BABAM2: variants seen among roughly 807,000 people sequenced by gnomAD.
The protein encoded by BABAM2 is BRISC and BRCA1 A complex member 2.
BABAM2 carries 31 observed loss-of-function variants against 54.7 expected under a neutral mutation model. The ratio of observed to expected loss-of-function variants is 0.57; its 90% CI spans 0.43 to 0.77. The LOEUF (loss-of-function observed/expected upper bound fraction) is 0.77, where lower values mean the gene tolerates loss of function less well. BABAM2 is among the 30% of genes least tolerant of loss of function. BABAM2 has a pLI of 0.00. For synonymous variants in BABAM2, 167 were observed against 162.9 expected, an observed-to-expected ratio of 1.03 and a Z score of -0.19; for missense variants, 364 against 455.8, an observed-to-expected ratio of 0.80 and a Z score of 1.83.
chr2:28,046,787 CTT>C (rs956125686), intron 6 of BABAM2, among the ~76,000 whole-genome samples: 1 of 144,466 alleles, frequency 6.9e-6, no homozygotes, highest in Admixed American at 6.9e-5. Flanking sequence ...TACATTCCAT[CTT>C]TTTTTTTTTT....
chr2:27,924,052 C>T (rs897357423), intron 2 of BABAM2, among the ~76,000 whole-genome samples: 3 of 152,188 alleles, frequency 2.0e-5, no homozygotes, highest in Non-Finnish European at 4.4e-5. Context: ...TTTGGTTACT[C>T]TCCTTCTGAA....
intron 2 of BABAM2, among the ~76,000 whole-genome samples, chr2:27,917,383 A>T (rs1667057358): frequency 6.6e-6 from 1 of 152,042 alleles, no homozygotes; most frequent in Non-Finnish European, 1.5e-5. Flanking sequence ...AATACCTTAG[A>T]CTTGGTAATT....
chr2:28,029,488 A>G (rs1411171655), intron 5 of BABAM2, among the ~76,000 whole-genome samples: 1 of 152,208 alleles, frequency 6.6e-6, no homozygotes, highest in Admixed American at 6.5e-5. Context: ...TTCACTTAGC[A>G]TAATGTCTGA....
intron 7 of BABAM2, among the ~76,000 whole-genome samples, chr2:28,137,614 T>C (rs1670666975): frequency 6.6e-6 from 1 of 152,104 alleles, no homozygotes; most frequent in South Asian, 2.1e-4. Flanking sequence ...GGGGAGAAAA[T>C]CAATCAGCCC....
At chr2:28,132,111 C>T (rs1383548843) in intron 7 of BABAM2, among the ~76,000 whole-genome samples, 1 of 151,452 alleles carries the variant, frequency 6.6e-6, no homozygotes, top group Non-Finnish European at 1.5e-5. Flanking sequence ...TCTCTCATGT[C>T]CTTCCTCCCT....
intron 5 of BABAM2, among the ~76,000 whole-genome samples, chr2:28,026,916 T>TAATATATATAAATATATATATA (rs1675840752): frequency 2.9e-5 from 1 of 34,684 alleles, no homozygotes; most frequent in African/African-American, 9.1e-5. Flanking sequence ...AAATATATAT[T>TAATATATATAAATATATATATA]AATATATATA....
chr2:28,214,889 A>G (rs893391128), intron 7 of BABAM2, among the ~76,000 whole-genome samples: 2 of 151,996 alleles, frequency 1.3e-5, no homozygotes, highest in African/African-American at 4.8e-5. Context: ...GCCCTCCCCA[A>G]GCACTCCTTG....
chr2:28,198,289 G>A (rs1478549282), intron 7 of BABAM2, among the ~76,000 whole-genome samples: 3 of 151,736 alleles, frequency 2.0e-5, no homozygotes, highest in Non-Finnish European at 2.9e-5. Flanking sequence ...TCAGCCTCCC[G>A]AGTAGCTGAG....
intron 6 of BABAM2, among the ~76,000 whole-genome samples, chr2:28,067,122 G>T (rs756766661): frequency 6.6e-6 from 1 of 152,088 alleles, no homozygotes; most frequent in Non-Finnish European, 1.5e-5. Flanking sequence ...AGTAGAGATG[G>T]CGTTTCACCA....
chr2:28,165,686 C>T (rs1158823085), intron 7 of BABAM2, among the ~76,000 whole-genome samples: 1 of 151,848 alleles, frequency 6.6e-6, no homozygotes, highest in African/African-American at 2.4e-5. Context: ...AGGCATGTGC[C>T]ACCACACCCA....
intron 2 of BABAM2, among the ~76,000 whole-genome samples, chr2:27,922,313 A>G (rs779858430): frequency 4.6e-5 from 7 of 152,234 alleles, no homozygotes; most frequent in Non-Finnish European, 8.8e-5. Context: ...GAATCTTATG[A>G]TCTGGTTGGG....
At chr2:28,182,314 G>T (rs754896600) in intron 7 of BABAM2, among the ~76,000 whole-genome samples, 6 of 152,066 alleles carry the variant, frequency 3.9e-5, no homozygotes, top group Non-Finnish European at 7.4e-5. Flanking sequence ...GATATTACAG[G>T]GTCTGTATAG....
At chr2:27,898,407 T>C (rs976299398) in intron 2 of BABAM2, among the ~76,000 whole-genome samples, 5 of 152,188 alleles carry the variant, frequency 3.3e-5, no homozygotes, top group East Asian at 1.9e-4. Flanking sequence ...CAGATGTCCA[T>C]TGATAGTCTT....
At chr2:27,929,989 G>T in intron 3 of BABAM2, 81 bp downstream of exon 3, 1 of 1,321,894 alleles carries the variant, frequency 7.6e-7, no homozygotes, top group South Asian at 1.2e-5. Context: ...TTTCATTTCC[G>T]GCTGTTAGTT....
chr2:28,035,160 G>A (rs7593127), intron 5 of BABAM2, among the ~76,000 whole-genome samples: 99,404 of 152,016 alleles, frequency 0.65, 34,202 homozygotes, highest in Middle Eastern at 0.8. Flanking sequence ...CTTTTCACCT[G>A]TCTTTTTTTG....
intron 3 of BABAM2, among the ~76,000 whole-genome samples, chr2:27,965,865 A>T: frequency 6.7e-6 from 1 of 148,946 alleles, no homozygotes; most frequent in Non-Finnish European, 1.5e-5. Flanking sequence ...TTTTCTTCAT[A>T]TTCTTCTTCT....
At chr2:28,040,698 G>A (rs1191986702) in intron 5 of BABAM2, among the ~76,000 whole-genome samples, 4 of 152,344 alleles carry the variant, frequency 2.6e-5, no homozygotes, top group African/African-American at 9.6e-5. Flanking sequence ...AATAAGGAAT[G>A]TATGATAGGC....
chr2:28,182,353 G>A (rs1675734941), intron 7 of BABAM2, among the ~76,000 whole-genome samples: 1 of 152,112 alleles, frequency 6.6e-6, no homozygotes, highest in Non-Finnish European at 1.5e-5. Context: ...AAAAAGAGTT[G>A]GGCGATTATG....
intron 4 of BABAM2, among the ~76,000 whole-genome samples, chr2:28,020,952 G>GACACACACACACACAC (rs57086132): frequency 9.9e-4 from 143 of 144,518 alleles, no homozygotes; most frequent in African/African-American, 2.1e-3. Context: ...CTGTCTCTCT[G>GACACACACACACACAC]ACACACACAC....
Sources: allele counts gnomAD v4.1 joint callset (sites outside exome capture counted in the v4.1 genomes callset), GRCh38; gene constraint gnomAD v4.1.1; transcripts MANE v1.5; gene names NCBI Gene and HGNC (gene_info 2026-07-23, HGNC 2026-07-21).